Variants in MAP3K7 observed in about 807,000 individuals in gnomAD.
The protein encoded by MAP3K7 is TGF-beta activated kinase 1.
In MAP3K7, 21 loss-of-function variants were observed where a neutral mutation model predicts 84.8. The observed-to-expected ratio is 0.25, with a 90% CI of 0.18 to 0.36. The LOEUF is 0.36. MAP3K7 is among the 10% of genes least tolerant of loss of function. MAP3K7 has a pLI of 1.00. For synonymous variants in MAP3K7, 241 were observed against 247.7 expected (o/e 0.97, Z 0.25); for missense variants, 503 against 747.7 (o/e 0.67, Z 3.82).
chr6:90,521,967 GC>G (rs1402499218), intron 14 of MAP3K7, among the ~76,000 whole-genome samples: 5 of 151,990 alleles, frequency 3.3e-5, no homozygotes, highest in Non-Finnish European at 7.4e-5. Flanking sequence ...TGGTCAGTGG[GC>G]CTTCAAAGAA....
chr6:90,563,000 G>A (rs1299716980), intron 3 of MAP3K7, among the ~76,000 whole-genome samples: 1 of 152,144 alleles, frequency 6.6e-6, no homozygotes, highest in African/African-American at 2.4e-5. Context: ...CAACAAACCT[G>A]CAGCTGAGGT....
At chr6:90,538,654 C>T (rs1020304924) in intron 12 of MAP3K7, among the ~76,000 whole-genome samples, 7 of 151,780 alleles carry the variant, frequency 4.6e-5, no homozygotes, top group Non-Finnish European at 5.9e-5. Context: ...TCCTGCCCAC[C>T]GCAAATAGAA....
At chr6:90,570,129 C>G (rs958635885) in intron 2 of MAP3K7, among the ~76,000 whole-genome samples, 2 of 152,100 alleles carry the variant, frequency 1.3e-5, no homozygotes, top group African/African-American at 4.8e-5. Context: ...TTTTCCTCCT[C>G]TCTCCCTAAT....
chr6:90,586,638 C>T (rs1257424030), intron 1 of MAP3K7, 126 bp downstream of exon 1: 2 of 1,310,428 alleles, frequency 1.5e-6, no homozygotes, highest in African/African-American at 1.5e-5. Context: ...TGTGGGGTCT[C>T]CCGGGTGGAC....
chr6:90,559,777 A>C (rs562268051), intron 5 of MAP3K7, among the ~76,000 whole-genome samples: 87 of 152,350 alleles, frequency 5.7e-4, no homozygotes, highest in Non-Finnish European at 9.3e-4. Flanking sequence ...GTCTAACAGC[A>C]ACATTATATA....
At chr6:90,523,323 G>T (rs956553720) in intron 14 of MAP3K7, among the ~76,000 whole-genome samples, 3 of 151,608 alleles carry the variant, frequency 2.0e-5, no homozygotes, top group Non-Finnish European at 2.9e-5. Context: ...CTCCGATTTT[G>T]GTTACTGAAA....
At chr6:90,580,418 C>T (rs1340744735) in intron 1 of MAP3K7, among the ~76,000 whole-genome samples, 1 of 152,202 alleles carries the variant, frequency 6.6e-6, no homozygotes, top group African/African-American at 2.4e-5. Flanking sequence ...AACGTGCTTT[C>T]TGAACCGTAT....
intron 1 of MAP3K7, among the ~76,000 whole-genome samples, chr6:90,572,533 T>C (rs1776939701): frequency 6.6e-6 from 1 of 150,844 alleles, no homozygotes; most frequent in Admixed American, 6.6e-5. Context: ...TAACAGTAAA[T>C]GAGTAGCTGG....
At chr6:90,560,962 G>C (rs985429533) in intron 4 of MAP3K7, among the ~76,000 whole-genome samples, 5 of 152,044 alleles carry the variant, frequency 3.3e-5, no homozygotes, top group African/African-American at 1.2e-4. Context: ...ACCAGAAGTA[G>C]TTCAATCAAA....
chr6:90,523,880 TC>T, intron 13 of MAP3K7, 97 bp from the exon 14 acceptor site: 2 of 707,304 alleles, frequency 2.8e-6, no homozygotes. Flanking sequence ...GACTTAGAGA[TC>T]CCCCCAAAAC....
At chr6:90,541,142 A>C (rs1395505287) in intron 12 of MAP3K7, among the ~76,000 whole-genome samples, 1 of 152,014 alleles carries the variant, frequency 6.6e-6, no homozygotes, top group African/African-American at 2.4e-5. Context: ...AGAATCCAAT[A>C]ATCTGCTACC....
chr6:90,534,355 C>G (rs1049042718), intron 13 of MAP3K7, among the ~76,000 whole-genome samples: 1 of 152,094 alleles, frequency 6.6e-6, no homozygotes, highest in African/African-American at 2.4e-5. Context: ...ATTTGCCACT[C>G]TCATGCCAAG....
At chr6:90,567,909 T>A (rs1052415178) in intron 3 of MAP3K7, among the ~76,000 whole-genome samples, 4 of 152,224 alleles carry the variant, frequency 2.6e-5, no homozygotes, top group African/African-American at 9.6e-5. Context: ...TCATGTCCTT[T>A]GTAGGGACAT....
chr6:90,550,629 G>A, intron 8 of MAP3K7, 80 bp from the exon 9 acceptor site: 1 of 835,958 alleles, frequency 1.2e-6, no homozygotes, highest in Non-Finnish European at 1.9e-6. Context: ...TTTTCCCTAA[G>A]TTATATACTA....
intron 13 of MAP3K7, 72 bp downstream of exon 13, chr6:90,536,265 G>T: frequency 2.4e-6 from 3 of 1,238,192 alleles, no homozygotes; most frequent in Non-Finnish European, 3.5e-6. Context: ...TAATTTTGCA[G>T]AGTAGAATAC....
intron 2 of MAP3K7, among the ~76,000 whole-genome samples, chr6:90,571,148 CA>C (rs1378303581): frequency 1.4e-4 from 22 of 152,068 alleles, no homozygotes; most frequent in Admixed American, 3.3e-4. Flanking sequence ...TAATGTGATC[CA>C]AAATACAAAA....
Position 90,516,104 on chromosome 6 carries a change from A to T in MAP3K7, c.*397T>A, listed in dbSNP as rs1582151263. ...AAAATTATTAATATTTTGAGATGAG[A>T]TACAAGAATAAAGTCATTCTTGAGG... On this transcript the variant is annotated 3_prime_UTR_variant, in exon 17 of 17. Transcript: ENST00000369329. The T allele has an allele frequency of 5.5e-6, 1 of 181,632 alleles. No individual in the cohort carries two copies. The highest frequency in any genetic ancestry group is 2.4e-5 in the African/African-American group (1 of 41,846). The allele number at this position is 181,632 out of a possible 1,614,324, so 11.3% of individuals were successfully genotyped here.
intron 8 of MAP3K7, chr6:90,551,100 T>A (rs1209024917): frequency 6.6e-6 from 1 of 152,450 alleles, no homozygotes; most frequent in African/African-American, 2.4e-5. Context: ...AACTTATATA[T>A]CCTAAAGTTT....
intron 1 of MAP3K7, among the ~76,000 whole-genome samples, chr6:90,586,484 AC>A (rs1385944152): frequency 1.3e-5 from 2 of 151,964 alleles, no homozygotes; most frequent in East Asian, 3.9e-4. Context: ...GAACTGGTGG[AC>A]CACACTATCT....
Sources: gnomAD v4.1 joint callset for allele counts (sites outside exome capture counted in the v4.1 genomes callset) on GRCh38, gnomAD v4.1.1 for gene constraint, MANE v1.5 for transcripts, NCBI Gene and HGNC (gene_info 2026-07-23, HGNC 2026-07-21) for gene names.